POMT2: variants seen among roughly 807,000 people sequenced by gnomAD.
POMT2 encodes protein O-mannosyl-transferase 2.
In POMT2, 75 loss-of-function variants were observed where a neutral mutation model predicts 100.0. That is an observed-to-expected ratio of 0.75 (90% CI 0.62 to 0.91). The LOEUF (loss-of-function observed/expected upper bound fraction) is 0.91. Ranked by LOEUF, POMT2 falls within the 40% of genes least tolerant of loss-of-function variation. POMT2 has a pLI of 0.00. For synonymous variants in POMT2, 378 were observed against 374.1 expected (o/e 1.01, Z -0.12); for missense variants, 940 against 955.1 (o/e 0.98, Z 0.21).
At chr14:77,302,975 G>A (rs750280485) in intron 4 of POMT2, 32 bp from the exon 5 acceptor site, 23 of 1,547,348 alleles carry the variant, frequency 1.5e-5, no homozygotes, top group East Asian at 6.9e-5. Context: ...GTGAAAAAGC[G>A]AGGTAAGAGA....
At chr14:77,279,492 G>A (rs1456446714) in intron 18 of POMT2, 1 of 505,758 alleles carries the variant, frequency 2.0e-6, no homozygotes, top group Non-Finnish European at 3.8e-6. Flanking sequence ...AGTGAGGGCT[G>A]TGGAGTCAGA....
At position 77,307,852 on chromosome 14, in the gene POMT2, TTTC is replaced by T. The variant is rs1272765826; in HGVS notation, c.334-1414_334-1412del. ...AAGGTTAAAAGTAGCCCCAAGTTAATTTCTTCTTTTTTTTTTTTTTTTTTTTTT... is the reference window on the plus strand; with the variant it reads ...AAGGTTAAAAGTAGCCCCAAGTTAATTTCTTTTTTTTTTTTTTTTTTTTTT... On this transcript the variant is annotated intron_variant, in intron 2 of 20. Coordinates refer to ENST00000261534, the MANE Select transcript of POMT2 (RefSeq NM_013382.7). Among the ~76,000 whole-genome samples the T allele has an allele frequency of 6.3e-5, 9 of 143,962 alleles. No individual in the cohort carries two copies. In the South Asian group the frequency reaches 6.5e-4, roughly 10 times the overall value. The allele number at this position is 143,962 out of a possible 152,430, so 94.4% of individuals were successfully genotyped here.
Position 77,298,541 on chromosome 14 carries a change from G to A in POMT2, c.1006+148C>T, listed in dbSNP as rs7143099. 9,456 of 833,470 alleles carry A rather than the reference G, an allele frequency of 0.011. 448 individuals are homozygous for A. In the African/African-American group the frequency reaches 0.12, roughly 11 times the overall value. 51.6% of individuals were successfully genotyped at this position (833,470 alleles called of 1,614,324 possible). Reference sequence around the variant, plus strand: ...CTCTCCTCTGTCCTGATTCACTCTCGAGTATTTTCACCAGATCTATCTGGG... The same window carrying A: ...CTCTCCTCTGTCCTGATTCACTCTCAAGTATTTTCACCAGATCTATCTGGG... On this transcript the variant is annotated intron_variant, in intron 8 of 20. Transcript: ENST00000261534.
Position 77,278,159 on chromosome 14 carries a change from C to T in POMT2, c.2147+235G>A, listed in dbSNP as rs1183741510. 1.7e-5 allele frequency: 9 copies of T among 543,112 alleles called. No individual in the cohort carries two copies. In the East Asian group the frequency reaches 2.6e-4, roughly 16 times the overall value. The allele number at this position is 543,112 out of a possible 1,614,324, so 33.6% of individuals were successfully genotyped here. A position where few individuals can be genotyped will look rare whatever the true frequency, so the allele number is the denominator to read the frequency against. On this transcript the variant is annotated intron_variant, in intron 20 of 20. Coordinates refer to ENST00000261534, the MANE Select transcript of POMT2 (RefSeq NM_013382.7). ...GCGCTGGGATGGCACAAAAGCTGAA[C>T]CACCGGCAGAAGGGGAAAAGGCAGA... is the stretch of plus-strand genomic sequence containing the variant.
chr14:77,293,494 T>C (rs1443153812), intron 9 of POMT2, among the ~76,000 whole-genome samples: 1 of 152,224 alleles, frequency 6.6e-6, no homozygotes, highest in Non-Finnish European at 1.5e-5. Flanking sequence ...CTTAATCTTC[T>C]GGGATTACAT....
intron 1 of POMT2, chr14:77,320,181 T>C (rs1805545163): frequency 1.6e-6 from 1 of 633,114 alleles, no homozygotes; most frequent in African/African-American, 1.8e-5. Flanking sequence ...GGTGATGCAC[T>C]GTAGCATAAC....
At chr14:77,298,592 G>A in intron 8 of POMT2, 97 bp downstream of exon 8, 1 of 1,334,228 alleles carries the variant, frequency 7.5e-7, no homozygotes, top group Non-Finnish European at 1.1e-6. Flanking sequence ...GCCATCACAG[G>A]CTAAAATAAC....
rs1566641336 is a variant in POMT2 at position 77,276,995 on chromosome 14, G to A, written c.*381C>T. 9.1e-6 allele frequency: 2 copies of A among 220,920 alleles called. No homozygotes were observed. Among genetic ancestry groups the A allele is most frequent in the Admixed American group, 1.0e-4 (2 of 20,056 alleles). 13.7% of individuals were successfully genotyped at this position (220,920 alleles called of 1,614,324 possible). A position where few individuals can be genotyped will look rare whatever the true frequency, so the allele number is the denominator to read the frequency against. On this transcript the variant is annotated 3_prime_UTR_variant, in exon 21 of 21. Transcript: ENST00000261534. The stretch of plus-strand genomic sequence containing the variant: ...ATACCAGAAAATATTACTATAGCCT[G>A]GACTATTTTAGAGTTTATGACACTC...
intron 12 of POMT2, 115 bp from the exon 13 acceptor site, chr14:77,285,747 A>C (rs1361682564): frequency 8.3e-7 from 1 of 1,211,670 alleles, no homozygotes; most frequent in East Asian, 2.3e-5. Context: ...CAAAGACCAA[A>C]TTAGGCTCAA....
In POMT2 at chr14:77,280,820, A is replaced by G. The variant is rs1031722401; in HGVS notation, c.1654-357T>C. 2.0e-5 allele frequency among the ~76,000 whole-genome samples: 3 copies of G among 152,222 alleles called. No homozygotes were observed. The South Asian group carries it at 6.2e-4, about 32-fold the overall frequency. ...TAAAATGAGGCTTACAGCCGGGTGC[A>G]GTGGCTCATGCCTGTAACCCCAGCA... On this transcript the variant is annotated intron_variant, in intron 15 of 20. Transcript: ENST00000261534.
intron 15 of POMT2, among the ~76,000 whole-genome samples, chr14:77,283,147 C>G (rs1444565530): frequency 1.3e-5 from 2 of 152,238 alleles, no homozygotes; most frequent in African/African-American, 4.8e-5. Context: ...ATCAATCATG[C>G]CCTGCCTAAG....
intron 1 of POMT2, among the ~76,000 whole-genome samples, chr14:77,313,592 C>T (rs1891517832): frequency 1.3e-5 from 2 of 152,238 alleles, no homozygotes; most frequent in Admixed American, 1.3e-4. Context: ...TTATAAAGTA[C>T]CATCCCTGCT....
chr14:77,286,594 CA>C, intron 12 of POMT2, 149 bp downstream of exon 12: 1 of 1,154,424 alleles, frequency 8.7e-7, no homozygotes. Flanking sequence ...CAGGCCTAGC[CA>C]AAAAGTGCCC....
At chr14:77,317,975 C>T (rs72681246) in intron 1 of POMT2, among the ~76,000 whole-genome samples, 13,372 of 152,230 alleles carry the variant, frequency 0.088, 731 homozygotes, top group South Asian at 0.19. Context: ...AGGTAGAAGA[C>T]ATAATGGGCC....
chr14:77,277,289 T>C lies in POMT2; in HGVS notation c.*87A>G. The C allele has an allele frequency of 8.4e-7, 1 of 1,192,724 alleles. No homozygotes were observed. Among genetic ancestry groups the C allele is most frequent in the South Asian group, 1.3e-5 (1 of 79,888 alleles). 73.9% of individuals were successfully genotyped at this position (1,192,724 alleles called of 1,614,324 possible). A position where few individuals can be genotyped will look rare whatever the true frequency, so the allele number is the denominator to read the frequency against. On this transcript the variant is annotated 3_prime_UTR_variant, in exon 21 of 21. Transcript: ENST00000261534. ...GAATTCTTCGGGCTCCTTAGGCAGC[T>C]TCCTCATGGCCGGATGGTCCAGTAC...
chr14:77,289,324 G>C (rs2140197370), intron 10 of POMT2, among the ~76,000 whole-genome samples: 1 of 152,172 alleles, frequency 6.6e-6, no homozygotes, highest in East Asian at 1.9e-4. Flanking sequence ...CCGGGAGGCG[G>C]AGGTTGCAGT....
chr14:77,309,896 T>G (rs1891377019), intron 2 of POMT2, among the ~76,000 whole-genome samples: 1 of 152,138 alleles, frequency 6.6e-6, no homozygotes, highest in Non-Finnish European at 1.5e-5. Flanking sequence ...CAGGCTGGGC[T>G]CGAACTCCTG....
Position 77,280,467 on chromosome 14 carries a change from C to T in POMT2, c.1654-4G>A, listed in dbSNP as rs1327619410. 6.2e-7 allele frequency: 1 copy of T among 1,614,230 alleles called. No individual in the cohort carries two copies. The highest frequency in any genetic ancestry group is 2.2e-5 in the East Asian group (1 of 44,874). ...TGGGTTTGAGGCCACTGTTCCCCTGCATGAAGGTAGCAAAGAAAGCTAGTC... is the reference window on the plus strand; with the variant it reads ...TGGGTTTGAGGCCACTGTTCCCCTGTATGAAGGTAGCAAAGAAAGCTAGTC... On this transcript the variant is annotated splice_region_variant and splice_polypyrimidine_tract_variant and intron_variant, in intron 15 of 20. Coordinates refer to ENST00000261534, the MANE Select transcript of POMT2 (RefSeq NM_013382.7).
intron 8 of POMT2, among the ~76,000 whole-genome samples, chr14:77,298,227 C>T (rs1449112163): frequency 6.6e-6 from 1 of 152,208 alleles, no homozygotes; most frequent in African/African-American, 2.4e-5. Context: ...CTGTCAATCC[C>T]CAGAGCTGTG....
Sources: gnomAD v4.1 joint callset for allele counts (sites outside exome capture counted in the v4.1 genomes callset) on GRCh38, gnomAD v4.1.1 for gene constraint, MANE v1.5 for transcripts, NCBI Gene and HGNC (gene_info 2026-07-23, HGNC 2026-07-21) for gene names.